Variants in DSC1 observed in about 807,000 individuals in gnomAD.
DSC1 encodes the protein desmocollin-1.
A neutral mutation model predicts 98.8 loss-of-function variants in DSC1; 79 were observed. That is an observed-to-expected ratio of 0.80 (90% CI 0.67 to 0.96). The LOEUF is 0.96. DSC1 is among the 50% of genes least tolerant of loss of function. The pLI is 0.00. For missense variants in DSC1, 1,115 were observed against 1,075.9 expected (o/e 1.04, Z -0.51); for synonymous variants, 405 against 372.1 (o/e 1.09, Z -1.02).
chr18:31,159,229 AT>A (rs1263283779), intron 2 of DSC1, among the ~76,000 whole-genome samples: 7 of 137,386 alleles, frequency 5.1e-5, no homozygotes, highest in Non-Finnish European at 1.1e-4. Context: ...AATTTTTTGT[AT>A]TTTTAGTAGA....
At chr18:31,134,446 G>A (rs1988564441) in intron 12 of DSC1, 126 bp downstream of exon 12, 2 of 916,794 alleles carry the variant, frequency 2.2e-6, no homozygotes, top group African/African-American at 1.7e-5. Flanking sequence ...ATTAGGTATT[G>A]TTGTTTTTAG....
At chr18:31,145,278 C>A (rs1040784645) in intron 7 of DSC1, among the ~76,000 whole-genome samples, 4 of 152,046 alleles carry the variant, frequency 2.6e-5, no homozygotes, top group Non-Finnish European at 5.9e-5. Flanking sequence ...GCTGTGAACC[C>A]AAAGTTGCTA....
rs1379855265 is a variant in DSC1, at chr18:31,162,671, G to A, written c.-77C>T. ...GGATGCACAGAGCGGCTAAGAAGAC[G>A]CTGGCACTTGCACAGGGTATTCTGC... is the stretch of plus-strand genomic sequence containing the variant. On this transcript the variant is annotated 5_prime_UTR_variant, in exon 1 of 16. Coordinates refer to ENST00000257198, the MANE Select transcript of DSC1 (RefSeq NM_024421.2). 2.9e-5 allele frequency: 37 copies of A among 1,293,200 alleles called. No individual in the cohort carries two copies. The highest frequency in any genetic ancestry group is 4.0e-5 in the Non-Finnish European group (36 of 892,194). The allele number at this position is 1,293,200 out of a possible 1,614,324, so 80.1% of individuals were successfully genotyped here.
intron 13 of DSC1, among the ~76,000 whole-genome samples, chr18:31,133,599 C>T (rs541579257): frequency 6.6e-6 from 1 of 151,996 alleles, no homozygotes; most frequent in African/African-American, 2.4e-5. Flanking sequence ...TTTTACCCAG[C>T]CTCTTCATTT....
At chr18:31,157,107 C>T (rs78766342) in intron 3 of DSC1, among the ~76,000 whole-genome samples, 2,765 of 152,260 alleles carry the variant, frequency 0.018, 31 homozygotes, top group Middle Eastern at 0.041. Context: ...TGTTCTTATT[C>T]CCAAACTTGA....
chr18:31,151,793 A>C (rs1483153671), intron 5 of DSC1, among the ~76,000 whole-genome samples: 1 of 152,194 alleles, frequency 6.6e-6, no homozygotes, highest in Non-Finnish European at 1.5e-5. Context: ...ACCAAAGCTG[A>C]GTGGGTACAG....
At chr18:31,150,582 A>G (rs1056961956) in intron 5 of DSC1, among the ~76,000 whole-genome samples, 3 of 151,890 alleles carry the variant, frequency 2.0e-5, no homozygotes, top group Non-Finnish European at 4.4e-5. Flanking sequence ...CATCATCGCC[A>G]CCGTCACCAC....
chr18:31,135,523 T>C (rs1988592441), intron 11 of DSC1, among the ~76,000 whole-genome samples: 1 of 152,166 alleles, frequency 6.6e-6, no homozygotes, highest in South Asian at 2.1e-4. Context: ...TTGAACATAA[T>C]GCAGTTCCTA....
Position 31,142,167 on chromosome 18 carries a change from T to C in DSC1, c.1092A>G (p.Glu364=). 6.2e-7 allele frequency: 1 copy of C among 1,612,364 alleles called. No homozygotes were observed. Among genetic ancestry groups the C allele is most frequent in the Non-Finnish European group, 8.5e-7 (1 of 1,179,546 alleles). Residue 364 remains glutamate (E), a synonymous_variant, in exon 9 of 16, where the codon GAA becomes GAG. Coordinates refer to ENST00000257198, the MANE Select transcript of DSC1 (RefSeq NM_024421.2). ...FTETSYVTEV[E]ENRIDVEILR... is the part of the protein sequence containing the mutation. ...AAATCTCCACGTCAATTCTGTTTTCTTCTACTTCTGTAACATACTGAAAGA... is the reference window on the plus strand; with the variant it reads ...AAATCTCCACGTCAATTCTGTTTTCCTCTACTTCTGTAACATACTGAAAGA...
intron 11 of DSC1, among the ~76,000 whole-genome samples, chr18:31,138,009 G>GT (rs1567997626): frequency 6.3e-5 from 9 of 142,652 alleles, no homozygotes; most frequent in Admixed American, 5.0e-4. Flanking sequence ...GTGTGTGTGT[G>GT]GATTAAAGTT....
At chr18:31,158,856 C>T (rs949356040) in intron 2 of DSC1, among the ~76,000 whole-genome samples, 1 of 151,916 alleles carries the variant, frequency 6.6e-6, no homozygotes, top group Non-Finnish European at 1.5e-5. Flanking sequence ...TTAGAATATG[C>T]TCCTGGTTTT....
rs1988461681 is a variant in DSC1, at chr18:31,130,538, T to C, written c.2661A>G (p.Leu887=). The C allele has an allele frequency of 3.1e-6, 5 of 1,614,078 alleles. No homozygotes were observed. The African/African-American group carries it at 4.0e-5, about 13-fold the overall frequency. ...LDHLEPKFRT[L]AKTCIKK ...TTTATTTCTTGATGCATGTCTTTGC[T>C]AATGTCCTAAATTTGGGTTCCAGGT... Residue 887 remains leucine (L), a synonymous_variant, in exon 16 of 16, where the codon TTA becomes TTG. Coordinates refer to ENST00000257198, the MANE Select transcript of DSC1 (RefSeq NM_024421.2).
At chr18:31,150,447 T>C (rs796216092) in intron 5 of DSC1, among the ~76,000 whole-genome samples, 687 of 10,924 alleles carry the variant, frequency 0.063, no homozygotes, top group South Asian at 0.11. Context: ...TCACCACCAC[T>C]ACCACCACCA....
chr18:31,158,789 C>T (rs1412285445), intron 2 of DSC1, among the ~76,000 whole-genome samples: 1 of 151,992 alleles, frequency 6.6e-6, no homozygotes, highest in Non-Finnish European at 1.5e-5. Flanking sequence ...CATTTCATGT[C>T]TAATCAATTG....
chr18:31,154,779 A>C lies in DSC1; in HGVS notation c.622T>G (p.Phe208Val). 6.2e-7 allele frequency: 1 copy of C among 1,608,742 alleles called. No homozygotes were observed. The highest frequency in any genetic ancestry group is 1.1e-5 in the South Asian group (1 of 89,850). ...AAATATTTCAATAATCCTACCGCAA[A>C]CTGTTCATATTTCTCACGGTCAATG... The part of the protein sequence containing the change: ...RSIDREKYEQ[F>V]ALYGYATTAD... Residue 208 changes from phenylalanine (F) to valine (V), a missense_variant, in exon 5 of 16, where the codon TTT becomes GTT. Transcript: ENST00000257198.
intron 9 of DSC1, 84 bp downstream of exon 9, chr18:31,141,915 C>A (rs1175552867): frequency 1.5e-6 from 2 of 1,357,910 alleles, no homozygotes; most frequent in East Asian, 2.4e-5. Flanking sequence ...GTAGTCTAGT[C>A]ATATACATAT....
intron 13 of DSC1, among the ~76,000 whole-genome samples, chr18:31,133,060 G>A (rs916847205): frequency 3.9e-5 from 6 of 152,024 alleles, no homozygotes; most frequent in Admixed American, 1.3e-4. Context: ...AACAAGAAAG[G>A]CAATTACATA....
In DSC1 at chr18:31,140,028, G is replaced by T. The variant is rs762203296; in HGVS notation, c.1520+14C>A. ...CACAATTAAAATTAAGGAGCTTTTT[G>T]AAAAGTACATCACCTTAAGCCTTCA... On this transcript the variant is annotated intron_variant, in intron 10 of 15. Coordinates refer to ENST00000257198, the MANE Select transcript of DSC1 (RefSeq NM_024421.2). The T allele has an allele frequency of 7.1e-5, 112 of 1,584,702 alleles. No individual in the cohort carries two copies. Among genetic ancestry groups the T allele is most frequent in the Non-Finnish European group, 9.3e-5 (109 of 1,168,548 alleles).
intron 13 of DSC1, 34 bp from the exon 14 acceptor site, chr18:31,132,723 A>T (rs1992143): frequency 6.3e-7 from 1 of 1,578,156 alleles, no homozygotes; most frequent in Admixed American, 1.8e-5. Flanking sequence ...TAAAACACAG[A>T]CATTAAATCA....
Sources: gnomAD v4.1 joint callset for allele counts (sites outside exome capture counted in the v4.1 genomes callset) on GRCh38, gnomAD v4.1.1 for gene constraint, MANE v1.5 for transcripts, NCBI Gene and HGNC (gene_info 2026-07-23, HGNC 2026-07-21) for gene names.